FSHR: variants seen among roughly 807,000 people sequenced by gnomAD.
The protein encoded by FSHR is follicle-stimulating hormone receptor.
Under a neutral mutation model 52.1 loss-of-function variants are expected in FSHR, and 46 were observed. The observed-to-expected ratio is 0.88, with a 90% CI of 0.70 to 1.13. FSHR has a LOEUF of 1.13. Among genes scored for constraint, FSHR ranks in the 50% most tolerant of loss-of-function variants. FSHR has a pLI of 0.00. For synonymous variants in FSHR, 399 were observed against 309.6 expected, an observed-to-expected ratio of 1.29 and a Z score of -3.03; for missense variants, 964 against 834.6, an observed-to-expected ratio of 1.16 and a Z score of -1.91.
intron 4 of FSHR, among the ~76,000 whole-genome samples, chr2:49,016,725 G>C (rs1010460562): frequency 6.6e-6 from 1 of 152,214 alleles, no homozygotes; most frequent in Non-Finnish European, 1.5e-5. Flanking sequence ...TCTTTGTGTA[G>C]TGGTTGGTTG....
At chr2:49,072,264 C>A (rs1197430905) in intron 1 of FSHR, among the ~76,000 whole-genome samples, 3 of 151,972 alleles carry the variant, frequency 2.0e-5, no homozygotes, top group African/African-American at 4.8e-5. Flanking sequence ...AACAAGCACC[C>A]TTTTAAGTCA....
chr2:49,004,465 T>G (rs905384916), intron 4 of FSHR, among the ~76,000 whole-genome samples: 4 of 152,130 alleles, frequency 2.6e-5, no homozygotes, highest in African/African-American at 9.6e-5. Flanking sequence ...ACAGGGCCCC[T>G]CGTGTGGGGC....
chr2:49,098,047 A>G (rs901774423), intron 1 of FSHR, among the ~76,000 whole-genome samples: 2 of 152,162 alleles, frequency 1.3e-5, no homozygotes, highest in African/African-American at 2.4e-5. Flanking sequence ...TTTGACAACT[A>G]TATGGCTAGT....
intron 1 of FSHR, among the ~76,000 whole-genome samples, chr2:49,105,298 A>G (rs1371049084): frequency 2.0e-5 from 3 of 152,000 alleles, no homozygotes; most frequent in Non-Finnish European, 2.9e-5. Flanking sequence ...TTGCATTGGT[A>G]TATCTCAATC....
chr2:49,036,957 T>C (rs959503205), intron 2 of FSHR, among the ~76,000 whole-genome samples: 1 of 152,186 alleles, frequency 6.6e-6, no homozygotes, highest in Non-Finnish European at 1.5e-5. Flanking sequence ...TGAGCATGCA[T>C]TGAAGCAAAA....
chr2:49,046,673 C>T (rs1330212902), intron 2 of FSHR, among the ~76,000 whole-genome samples: 1 of 152,214 alleles, frequency 6.6e-6, no homozygotes, highest in African/African-American at 2.4e-5. Context: ...CAGCATCTAT[C>T]AGTGACTACC....
chr2:49,053,454 C>T (rs896223185), intron 2 of FSHR, among the ~76,000 whole-genome samples: 1 of 152,140 alleles, frequency 6.6e-6, no homozygotes, highest in Non-Finnish European at 1.5e-5. Flanking sequence ...AATCTTCACA[C>T]TTTATACCAA....
At chr2:48,964,287 G>A (rs1674372458) in intron 9 of FSHR, among the ~76,000 whole-genome samples, 3 of 152,062 alleles carry the variant, frequency 2.0e-5, no homozygotes, top group Non-Finnish European at 2.9e-5. Flanking sequence ...GCATCAACTC[G>A]ACCCTTTTCC....
chr2:48,987,250 C>A (rs1675552917), intron 6 of FSHR, among the ~76,000 whole-genome samples: 1 of 152,092 alleles, frequency 6.6e-6, no homozygotes, highest in African/African-American at 2.4e-5. Flanking sequence ...GTTGCCCAGG[C>A]TGGAGTGCAG....
At chr2:49,123,518 C>T (rs1426727825) in intron 1 of FSHR, among the ~76,000 whole-genome samples, 3 of 152,066 alleles carry the variant, frequency 2.0e-5, no homozygotes, top group African/African-American at 4.8e-5. Flanking sequence ...ATGTTCTCAT[C>T]ACAAAGAAAT....
rs1324438172 is a variant in FSHR, at chr2:49,021,876, TATATATATATAGAGAGAG to T, written c.225-1734_225-1717del. ...CTCTCTCTCTCTCTATATATATATA[TATATATATATAGAGAGAG>T]AGAGAGAGAGAGAGAGAGAGAGAGA... On this transcript the variant is annotated intron_variant, in intron 2 of 9. Transcript: ENST00000406846. Among the ~76,000 whole-genome samples the T allele has an allele frequency of 2.1e-4, 14 of 65,174 alleles. No individual in the cohort carries two copies. In the East Asian group the frequency reaches 7.1e-3, roughly 33 times the overall value. 42.8% of individuals were successfully genotyped at this position (65,174 alleles called of 152,430 possible).
chr2:49,120,872 T>A (rs1401001332), intron 1 of FSHR, among the ~76,000 whole-genome samples: 1 of 152,252 alleles, frequency 6.6e-6, no homozygotes, highest in African/African-American at 2.4e-5. Flanking sequence ...TGTAAACCAA[T>A]ATTATATCCG....
At chr2:49,028,262 G>A (rs920428258) in intron 2 of FSHR, among the ~76,000 whole-genome samples, 1 of 152,152 alleles carries the variant, frequency 6.6e-6, no homozygotes, top group Non-Finnish European at 1.5e-5. Context: ...AGATGTTTGC[G>A]GTGTAGCAGG....
chr2:49,061,666 T>C (rs1244997693), intron 2 of FSHR, among the ~76,000 whole-genome samples: 2 of 143,512 alleles, frequency 1.4e-5, no homozygotes, highest in Non-Finnish European at 3.0e-5. Flanking sequence ...TAACTATATA[T>C]TTATAACTAT....
chr2:49,145,267 A>G (rs890426698), intron 1 of FSHR, among the ~76,000 whole-genome samples: 1 of 152,088 alleles, frequency 6.6e-6, no homozygotes, highest in Non-Finnish European at 1.5e-5. Flanking sequence ...TATTTTGACA[A>G]TTTGTAAACT....
At chr2:48,969,941 A>C (rs1674665424) in intron 8 of FSHR, among the ~76,000 whole-genome samples, 1 of 152,192 alleles carries the variant, frequency 6.6e-6, no homozygotes. Context: ...CTTGGCCGTG[A>C]GTGGGTACTT....
In FSHR at chr2:49,016,431, ATGCT is replaced by A. The variant is rs565036144; in HGVS notation, c.374+1054_374+1057del. On this transcript the variant is annotated intron_variant, in intron 4 of 9. Transcript: ENST00000406846. ...GCTAGTTCAGGATCTTGGCCTTAAG[ATGCT>A]TGCAGTCTTCAGCTGTCTCTCTTAG... is the stretch of plus-strand genomic sequence containing the variant. Among the ~76,000 whole-genome samples the A allele has an allele frequency of 9.9e-5, 15 of 152,246 alleles. No individual in the cohort carries two copies. In the East Asian group the frequency reaches 2.7e-3, roughly 27 times the overall value.
Position 49,116,105 on chromosome 2 carries a change from G to C in FSHR, c.152+38161C>G, listed in dbSNP as rs556057467. On this transcript the variant is annotated intron_variant, in intron 1 of 9. Coordinates refer to ENST00000406846, the MANE Select transcript of FSHR (RefSeq NM_000145.4). ...GGCATTTTTTTTAGTAATTGTAGCA[G>C]AGTCATCATGGGTAGAGCAGAGGGG... Among the ~76,000 whole-genome samples the C allele has an allele frequency of 5.9e-5, 9 of 152,272 alleles. No individual in the cohort carries two copies. The South Asian group carries it at 1.0e-3, about 18-fold the overall frequency.
chr2:49,058,563 TA>T (rs926273110), intron 2 of FSHR, among the ~76,000 whole-genome samples: 1 of 151,014 alleles, frequency 6.6e-6, no homozygotes, highest in African/African-American at 2.4e-5. Context: ...CCTCCCCACC[TA>T]AAAAAAACCT....
Sources: gnomAD v4.1 joint callset for allele counts (sites outside exome capture counted in the v4.1 genomes callset) on GRCh38, gnomAD v4.1.1 for gene constraint, MANE v1.5 for transcripts, NCBI Gene and HGNC (gene_info 2026-07-23, HGNC 2026-07-21) for gene names.